LHFPL6: variants seen among roughly 807,000 people sequenced by gnomAD.
The protein encoded by LHFPL6 is LHFPL tetraspan subfamily member 6 protein.
In LHFPL6, 9 loss-of-function variants were observed where a neutral mutation model predicts 20.6. The ratio of observed to expected loss-of-function variants is 0.44; its 90% CI spans 0.26 to 0.76. LHFPL6 has a LOEUF of 0.76. LHFPL6 is among the 30% of genes least tolerant of loss of function. LHFPL6 has a pLI of 0.20. For missense variants in LHFPL6, 218 were observed against 253.5 expected (o/e 0.86, Z 0.95); for synonymous variants, 105 against 98.7 (o/e 1.06, Z -0.38).
chr13:39,431,322 G>A (rs1056830914), intron 2 of LHFPL6, among the ~76,000 whole-genome samples: 1 of 152,098 alleles, frequency 6.6e-6, no homozygotes, highest in Non-Finnish European at 1.5e-5. Flanking sequence ...AGACACATCT[G>A]AACATCTGAA....
chr13:39,454,561 G>A (rs1872523471), intron 2 of LHFPL6, among the ~76,000 whole-genome samples: 1 of 35,780 alleles, frequency 2.8e-5, no homozygotes. Context: ...CCCGGGAGGC[G>A]GAGCTTACAG....
At chr13:39,378,241 G>A (rs1179491761) in intron 3 of LHFPL6, among the ~76,000 whole-genome samples, 187 bp downstream of exon 3, 2 of 152,112 alleles carry the variant, frequency 1.3e-5, no homozygotes, top group African/African-American at 4.8e-5. Flanking sequence ...TCATAGTACT[G>A]AGCAAACAGT....
chr13:39,353,904 C>T (rs1029400128), intron 3 of LHFPL6, among the ~76,000 whole-genome samples: 4 of 152,070 alleles, frequency 2.6e-5, no homozygotes, highest in Admixed American at 6.6e-5. Context: ...ATGGGAATAC[C>T]GCTCCCTGCA....
intron 2 of LHFPL6, among the ~76,000 whole-genome samples, chr13:39,471,382 G>T (rs1284199309): frequency 6.6e-6 from 1 of 152,168 alleles, no homozygotes; most frequent in Non-Finnish European, 1.5e-5. Context: ...TCTCCTGGAA[G>T]ATATTAATCA....
chr13:39,587,025 C>T (rs1872469423), intron 2 of LHFPL6, among the ~76,000 whole-genome samples: 2 of 152,130 alleles, frequency 1.3e-5, no homozygotes, highest in East Asian at 1.9e-4. Flanking sequence ...GGCATGGTGG[C>T]ATGCGCCTGT....
chr13:39,393,603 G>A (rs1180744198), intron 2 of LHFPL6, among the ~76,000 whole-genome samples: 1 of 152,152 alleles, frequency 6.6e-6, no homozygotes, highest in Non-Finnish European at 1.5e-5. Context: ...AAATGGTGAG[G>A]ATGGGGTCAA....
At chr13:39,504,591 A>G (rs528875989) in intron 2 of LHFPL6, among the ~76,000 whole-genome samples, 24 of 152,122 alleles carry the variant, frequency 1.6e-4, no homozygotes, top group Non-Finnish European at 3.2e-4. Context: ...CTCATCCTAC[A>G]TGGTCCTTCC....
intron 3 of LHFPL6, among the ~76,000 whole-genome samples, chr13:39,353,184 C>T (rs886709655): frequency 6.6e-6 from 1 of 150,808 alleles, no homozygotes; most frequent in African/African-American, 2.4e-5. Context: ...TGGGGTTTCA[C>T]CATGTTGGCC....
chr13:39,411,870 C>A lies in LHFPL6; in HGVS notation c.386-33344G>T, dbSNP rs56054705. On this transcript the variant is annotated intron_variant, in intron 2 of 3. Coordinates refer to ENST00000379589, the MANE Select transcript of LHFPL6 (RefSeq NM_005780.3). ...CCAGTGTCTCTTCAGTGGGATGTGG[C>A]CATTAAGTGAAATCTAGCTAAGGAA... Among the ~76,000 whole-genome samples, 585 of 152,308 alleles carry A rather than the reference C, an allele frequency of 3.8e-3. 3 individuals carry two copies. Among genetic ancestry groups the A allele is most frequent in the African/African-American group, 0.014 (563 of 41,572 alleles).
At chr13:39,446,208 A>C (rs1024600170) in intron 2 of LHFPL6, among the ~76,000 whole-genome samples, 6 of 152,220 alleles carry the variant, frequency 3.9e-5, no homozygotes, top group African/African-American at 1.4e-4. Flanking sequence ...ATGAAGATTC[A>C]GATACAGCCT....
intron 2 of LHFPL6, among the ~76,000 whole-genome samples, chr13:39,411,979 C>T (rs577337846): frequency 7.9e-5 from 12 of 152,310 alleles, no homozygotes; most frequent in Non-Finnish European, 1.8e-4. Flanking sequence ...TCTTTCACTT[C>T]TGTGGGACAT....
intron 2 of LHFPL6, among the ~76,000 whole-genome samples, chr13:39,562,609 TATATAC>T (rs1871564242): frequency 4.6e-4 from 16 of 34,918 alleles, no homozygotes; most frequent in South Asian, 1.3e-3. Context: ...CACATATACA[TATATAC>T]ACATATATAC....
At chr13:39,392,066 T>C (rs148517924) in intron 2 of LHFPL6, among the ~76,000 whole-genome samples, 172 of 152,384 alleles carry the variant, frequency 1.1e-3, no homozygotes, top group African/African-American at 3.8e-3. Flanking sequence ...TTGAGAATTC[T>C]GTTTCCAGTA....
chr13:39,536,711 C>T (rs1427535693), intron 2 of LHFPL6, among the ~76,000 whole-genome samples: 2 of 152,200 alleles, frequency 1.3e-5, no homozygotes, highest in African/African-American at 2.4e-5. Flanking sequence ...CCTCTCCTCA[C>T]CCAAATGTCT....
chr13:39,502,315 G>T (rs1869319180), intron 2 of LHFPL6, among the ~76,000 whole-genome samples: 1 of 152,038 alleles, frequency 6.6e-6, no homozygotes, highest in Admixed American at 6.6e-5. Context: ...CAACTCAGCA[G>T]CATATTAAAA....
chr13:39,465,223 T>C (rs908781770), intron 2 of LHFPL6, among the ~76,000 whole-genome samples: 11 of 151,934 alleles, frequency 7.2e-5, no homozygotes, highest in Admixed American at 5.9e-4. Context: ...AAAATAATAA[T>C]ATTCTGTAAT....
intron 2 of LHFPL6, among the ~76,000 whole-genome samples, chr13:39,503,298 G>A (rs1232271185): frequency 3.9e-5 from 6 of 152,084 alleles, no homozygotes; most frequent in African/African-American, 1.4e-4. Context: ...TGCACTGACT[G>A]TTCCCTCTGC....
chr13:39,510,654 A>G (rs1869663386), intron 2 of LHFPL6, among the ~76,000 whole-genome samples: 1 of 152,192 alleles, frequency 6.6e-6, no homozygotes, highest in African/African-American at 2.4e-5. Context: ...GAAAACACAC[A>G]CACACACAAT....
At chr13:39,506,426 G>C (rs189976654) in intron 2 of LHFPL6, among the ~76,000 whole-genome samples, 34 of 152,318 alleles carry the variant, frequency 2.2e-4, no homozygotes, top group Non-Finnish European at 4.4e-4. Context: ...TGTCAAAGTT[G>C]AGTCCCATGG....
Sources: gnomAD v4.1 joint callset for allele counts (sites outside exome capture counted in the v4.1 genomes callset) on GRCh38, gnomAD v4.1.1 for gene constraint, MANE v1.5 for transcripts, NCBI Gene and HGNC (gene_info 2026-07-23, HGNC 2026-07-21) for gene names.